LSAMP: variants seen among roughly 807,000 people sequenced by gnomAD.
LSAMP encodes limbic system associated membrane protein.
A neutral mutation model predicts 38.6 loss-of-function variants in LSAMP; 7 were observed. The ratio of observed to expected loss-of-function variants is 0.18; its 90% CI spans 0.10 to 0.34. The LOEUF is 0.34. LSAMP is among the 10% of genes least tolerant of loss of function. The pLI, the probability that LSAMP is intolerant of heterozygous loss-of-function variation, is 1.00. For missense variants in LSAMP, 313 were observed against 420.0 expected (o/e 0.75, Z 2.23); for synonymous variants, 154 against 166.8 (o/e 0.92, Z 0.59).
chr3:116,336,992 TG>T (rs1222497016), intron 1 of LSAMP, among the ~76,000 whole-genome samples: 1 of 151,480 alleles, frequency 6.6e-6, no homozygotes, highest in Non-Finnish European at 1.5e-5. Flanking sequence ...TATTAAGTCT[TG>T]AAAAAAAGCA....
At chr3:115,866,833 A>T (rs1255619028) in intron 3 of LSAMP, among the ~76,000 whole-genome samples, 1 of 152,122 alleles carries the variant, frequency 6.6e-6, no homozygotes, top group Non-Finnish European at 1.5e-5. Flanking sequence ...TTATTTTCCC[A>T]TTAAGACTCC....
In LSAMP at chr3:116,416,644, G is replaced by T. The variant is rs574939210; in HGVS notation, c.155+28233C>A. ...ACCACCTGACCATCCTTCAAGGCCA[G>T]GACAAACCTAATGTCTTATATGAAC... On this transcript the variant is annotated intron_variant, in intron 1 of 6. Transcript: ENST00000490035. 1.1e-4 allele frequency among the ~76,000 whole-genome samples: 16 copies of T among 152,176 alleles called. 1 individual carries two copies. In the South Asian group the frequency reaches 2.9e-3, roughly 28 times the overall value.
chr3:116,383,397 A>G (rs891758410), intron 1 of LSAMP, among the ~76,000 whole-genome samples: 5 of 152,118 alleles, frequency 3.3e-5, no homozygotes, highest in Non-Finnish European at 7.4e-5. Context: ...AAATGGTACT[A>G]TGGACAAAAA....
intron 2 of LSAMP, among the ~76,000 whole-genome samples, chr3:116,047,178 A>C (rs1324275084): frequency 6.6e-6 from 1 of 152,166 alleles, no homozygotes; most frequent in Non-Finnish European, 1.5e-5. Context: ...TCTCTCAACG[A>C]ATACATTTAA....
chr3:116,243,967 ATCT>A (rs890134834), intron 1 of LSAMP, among the ~76,000 whole-genome samples: 9 of 152,280 alleles, frequency 5.9e-5, no homozygotes, highest in African/African-American at 2.2e-4. Context: ...TGCTTGGCAA[ATCT>A]TTTATTTCTC....
rs2049486629 is a variant in LSAMP at position 116,444,830 on chromosome 3, ACAC to A, written c.155+44_155+46del. ...CACACAAACACACACACACACACACACACACGTGTAGACGCGCGCAGCAGAAAA... is the reference window on the plus strand; with the variant it reads ...CACACAAACACACACACACACACACAACGTGTAGACGCGCGCAGCAGAAAA... On this transcript the variant is annotated intron_variant, in intron 1 of 6. Coordinates refer to ENST00000490035, the MANE Select transcript of LSAMP (RefSeq NM_002338.5). The A allele has an allele frequency of 7.4e-6, 12 of 1,611,220 alleles. No homozygotes were observed. The South Asian group carries it at 7.7e-5, about 10-fold the overall frequency.
chr3:116,259,975 C>CT (rs2046803698), intron 1 of LSAMP, among the ~76,000 whole-genome samples: 1 of 152,094 alleles, frequency 6.6e-6, no homozygotes, highest in Non-Finnish European at 1.5e-5. Context: ...TCCAGATTCT[C>CT]TTTTTCTCTT....
chr3:116,319,793 TTTTTTTTTTTG>T (rs973595792), intron 1 of LSAMP, among the ~76,000 whole-genome samples: 5 of 120,842 alleles, frequency 4.1e-5, no homozygotes, highest in African/African-American at 1.7e-4. Flanking sequence ...AGACTCAAAG[TTTTTTTTTTTG>T]TTTTTTTTTT....
chr3:116,436,422 T>A (rs1448583809), intron 1 of LSAMP, among the ~76,000 whole-genome samples: 1 of 152,156 alleles, frequency 6.6e-6, no homozygotes, highest in Non-Finnish European at 1.5e-5. Flanking sequence ...ACCCACAGAC[T>A]GGGAGAAAAT....
At chr3:116,280,854 C>T (rs1024048842) in intron 1 of LSAMP, among the ~76,000 whole-genome samples, 3 of 151,930 alleles carry the variant, frequency 2.0e-5, no homozygotes, top group African/African-American at 7.3e-5. Context: ...TACAGAAAGC[C>T]CAGAATAGTG....
intron 6 of LSAMP, among the ~76,000 whole-genome samples, chr3:115,831,345 T>C (rs916481625): frequency 3.9e-5 from 6 of 152,190 alleles, no homozygotes; most frequent in Non-Finnish European, 7.3e-5. Flanking sequence ...GATAGGCTGA[T>C]TGAGTCCAGA....
At chr3:116,203,762 G>T (rs1485613416) in intron 1 of LSAMP, among the ~76,000 whole-genome samples, 1 of 151,896 alleles carries the variant, frequency 6.6e-6, no homozygotes, top group Admixed American at 6.6e-5. Flanking sequence ...AGTATTCCAT[G>T]GTGTATATGT....
At chr3:116,270,697 C>G (rs1232624393) in intron 1 of LSAMP, among the ~76,000 whole-genome samples, 6 of 152,086 alleles carry the variant, frequency 3.9e-5, no homozygotes, top group Admixed American at 6.6e-5. Context: ...TTCAGGAAAT[C>G]TTTCAGCTGT....
chr3:115,816,841 A>C (rs985566362), intron 6 of LSAMP, among the ~76,000 whole-genome samples: 4 of 152,206 alleles, frequency 2.6e-5, no homozygotes, highest in African/African-American at 9.7e-5. Context: ...GTTGGAACAA[A>C]TGATGTGCAG....
At chr3:115,912,241 T>A (rs1368281887) in intron 3 of LSAMP, among the ~76,000 whole-genome samples, 1 of 152,242 alleles carries the variant, frequency 6.6e-6, no homozygotes, top group East Asian at 1.9e-4. Flanking sequence ...CCCTAGATCA[T>A]GAAGACTTTT....
At chr3:116,150,175 C>T (rs1221556116) in intron 1 of LSAMP, among the ~76,000 whole-genome samples, 1 of 152,040 alleles carries the variant, frequency 6.6e-6, no homozygotes, top group Admixed American at 6.6e-5. Context: ...TTGCTTTTCA[C>T]AGCAGGGGCC....
chr3:116,334,501 T>A (rs1320155166), intron 1 of LSAMP, among the ~76,000 whole-genome samples: 1 of 152,202 alleles, frequency 6.6e-6, no homozygotes, highest in South Asian at 2.1e-4. Context: ...AATAAAAGTC[T>A]AGAAAACTGA....
At chr3:115,873,359 G>A (rs1043541370) in intron 3 of LSAMP, among the ~76,000 whole-genome samples, 2 of 149,784 alleles carry the variant, frequency 1.3e-5, no homozygotes, top group Non-Finnish European at 3.0e-5. Context: ...CTCCAGCCTG[G>A]ATGACAGAGT....
chr3:116,417,127 C>T (rs2049061327), intron 1 of LSAMP, among the ~76,000 whole-genome samples: 1 of 152,146 alleles, frequency 6.6e-6, no homozygotes, highest in Non-Finnish European at 1.5e-5. Context: ...TACCTCAATA[C>T]TTAAAGTTCA....
Sources: allele counts gnomAD v4.1 joint callset (sites outside exome capture counted in the v4.1 genomes callset), GRCh38; gene constraint gnomAD v4.1.1; transcripts MANE v1.5; gene names NCBI Gene and HGNC (gene_info 2026-07-23, HGNC 2026-07-21).